MGAT4C: variants seen among roughly 807,000 people sequenced by gnomAD.
The protein encoded by MGAT4C is alpha-1,3-mannosyl-glycoprotein 4-beta-N-acetylglucosaminyltransferase C.
MGAT4C carries 19 observed loss-of-function variants against 40.1 expected under a neutral mutation model. The observed-to-expected ratio is 0.47, with a 90% CI of 0.33 to 0.70. The LOEUF (loss-of-function observed/expected upper bound fraction) is 0.70, where lower values mean the gene tolerates loss of function less well. Among genes scored for constraint, MGAT4C ranks in the 30% least tolerant of loss-of-function variants. The probability of loss-of-function intolerance (pLI) is 0.02; values close to 1 mark genes in which losing one functional copy is unlikely to be tolerated. For synonymous variants in MGAT4C, 181 were observed against 187.1 expected (o/e 0.97, Z 0.27); for missense variants, 491 against 563.2 (o/e 0.87, Z 1.30).
At chr12:86,355,949 A>G (rs891588289) in intron 3 of MGAT4C, among the ~76,000 whole-genome samples, 1 of 152,190 alleles carries the variant, frequency 6.6e-6, no homozygotes, top group Admixed American at 6.5e-5. Context: ...CAAAGTATGT[A>G]GATGAAATAC....
chr12:86,580,381 C>A (rs1181209984), intron 2 of MGAT4C, among the ~76,000 whole-genome samples: 1 of 151,428 alleles, frequency 6.6e-6, no homozygotes, highest in African/African-American at 2.4e-5. Flanking sequence ...TCTCTTTAGT[C>A]TAACACTATA....
chr12:86,813,356 C>T (rs766646971), intron 1 of MGAT4C, among the ~76,000 whole-genome samples: 9 of 151,974 alleles, frequency 5.9e-5, no homozygotes, highest in African/African-American at 1.2e-4. Flanking sequence ...TGTCAAAATT[C>T]GTGCGTTTTT....
At chr12:86,378,593 C>T (rs927330316) in intron 3 of MGAT4C, among the ~76,000 whole-genome samples, 1 of 152,072 alleles carries the variant, frequency 6.6e-6, no homozygotes, top group East Asian at 1.9e-4. Context: ...TGGGGATAAG[C>T]AGTTCTCTTA....
intron 4 of MGAT4C, among the ~76,000 whole-genome samples, chr12:86,287,234 T>C (rs1014078813): frequency 2.0e-5 from 3 of 152,166 alleles, no homozygotes; most frequent in Non-Finnish European, 2.9e-5. Context: ...ATTATTTGCC[T>C]TTTCCCCCAA....
intron 3 of MGAT4C, among the ~76,000 whole-genome samples, chr12:86,428,073 C>A (rs572319026): frequency 6.6e-6 from 1 of 151,920 alleles, no homozygotes; most frequent in East Asian, 1.9e-4. Flanking sequence ...CAAAAAAACC[C>A]GCTAATATAG....
chr12:86,177,221 C>A (rs1381145211), intron 1 of MGAT4C, among the ~76,000 whole-genome samples: 1 of 152,148 alleles, frequency 6.6e-6, no homozygotes, highest in East Asian at 1.9e-4. Flanking sequence ...AAATGAAAAG[C>A]AATTGGGCAG....
At chr12:86,633,315 GC>G (rs1377690559) in intron 2 of MGAT4C, among the ~76,000 whole-genome samples, 2 of 151,860 alleles carry the variant, frequency 1.3e-5, no homozygotes, top group African/African-American at 4.8e-5. Context: ...ACATAATTAG[GC>G]TGTATTTACT....
At chr12:86,683,890 T>C (rs933236160) in intron 2 of MGAT4C, among the ~76,000 whole-genome samples, 5 of 152,228 alleles carry the variant, frequency 3.3e-5, no homozygotes, top group Admixed American at 1.3e-4. Context: ...TGCTGTCTTA[T>C]CTAATTTCAA....
chr12:86,830,374 C>T (rs1593246847), intron 1 of MGAT4C, among the ~76,000 whole-genome samples: 1 of 151,742 alleles, frequency 6.6e-6, no homozygotes, highest in African/African-American at 2.4e-5. Flanking sequence ...GTCTCTGTTT[C>T]GGTACCTGTA....
intron 2 of MGAT4C, among the ~76,000 whole-genome samples, chr12:86,513,081 A>G (rs1355860560): frequency 2.0e-5 from 3 of 152,138 alleles, no homozygotes; most frequent in African/African-American, 7.2e-5. Flanking sequence ...GAGAGAGCCA[A>G]TTAAAGTTGC....
At chr12:86,169,888 G>T (rs1039899068) in intron 1 of MGAT4C, among the ~76,000 whole-genome samples, 5 of 152,240 alleles carry the variant, frequency 3.3e-5, no homozygotes, top group Admixed American at 2.0e-4. Context: ...ATATTAAAAA[G>T]GTGTTGCATA....
intron 1 of MGAT4C, among the ~76,000 whole-genome samples, chr12:86,214,972 T>G (rs1950612004): frequency 6.6e-6 from 1 of 152,158 alleles, no homozygotes; most frequent in African/African-American, 2.4e-5. Context: ...ATTTTCCAAC[T>G]TATTCTATTT....
chr12:86,457,708 G>T (rs1957532169), intron 2 of MGAT4C, among the ~76,000 whole-genome samples: 1 of 152,054 alleles, frequency 6.6e-6, no homozygotes, highest in Admixed American at 6.6e-5. Context: ...GACTCTAGAG[G>T]CTGTGGCTTG....
chr12:86,224,250 T>C (rs949301969), intron 1 of MGAT4C, among the ~76,000 whole-genome samples: 8 of 152,022 alleles, frequency 5.3e-5, no homozygotes, highest in Non-Finnish European at 8.8e-5. Context: ...AAGAGATCAA[T>C]CAGTCAAAGG....
intron 3 of MGAT4C, among the ~76,000 whole-genome samples, chr12:86,342,331 C>T (rs1356743748): frequency 6.6e-6 from 1 of 152,116 alleles, no homozygotes; most frequent in African/African-American, 2.4e-5. Flanking sequence ...CAGGCAGGTC[C>T]TCCAGGTCTG....
intron 1 of MGAT4C, among the ~76,000 whole-genome samples, chr12:86,804,269 G>T (rs1432728206): frequency 8.3e-6 from 1 of 119,930 alleles, no homozygotes; most frequent in East Asian, 2.9e-4. Context: ...ACTGTAGTGG[G>T]GTGGGGGGAG....
At chr12:86,409,860 G>A (rs1393062756) in intron 3 of MGAT4C, among the ~76,000 whole-genome samples, 1 of 152,068 alleles carries the variant, frequency 6.6e-6, no homozygotes, top group East Asian at 1.9e-4. Context: ...TTCCCTAAGT[G>A]TTGGCCGATC....
chr12:86,038,440 T>C lies in MGAT4C; in HGVS notation c.-7+11234A>G, dbSNP rs994611133. 3.3e-5 allele frequency among the ~76,000 whole-genome samples: 5 copies of C among 150,026 alleles called. 1 individual carries two copies. The highest frequency in any genetic ancestry group is 6.7e-5 in the Admixed American group (1 of 14,968). The stretch of plus-strand genomic sequence containing the variant: ...TCTGTGTGCTCCTGTATTGGGTGCA[T>C]ATATATTTAGGATAGTTAGCTCTTC... On this transcript the variant is annotated intron_variant, in intron 2 of 4. Transcript: ENST00000611864.
At chr12:86,499,270 T>G (rs1385611816) in intron 2 of MGAT4C, among the ~76,000 whole-genome samples, 1 of 151,770 alleles carries the variant, frequency 6.6e-6, no homozygotes, top group African/African-American at 2.4e-5. Flanking sequence ...TATTTATGTG[T>G]GTGTGTGTAT....
Sources: gnomAD v4.1 joint callset for allele counts (sites outside exome capture counted in the v4.1 genomes callset) on GRCh38, gnomAD v4.1.1 for gene constraint, MANE v1.5 for transcripts, NCBI Gene and HGNC (gene_info 2026-07-23, HGNC 2026-07-21) for gene names.